Variants in ASB15 observed in about 807,000 individuals in gnomAD.
ASB15 encodes the protein ankyrin repeat and SOCS box containing 15, also known as ankyrin repeat and SOCS box protein 15.
Under a neutral mutation model 58.0 loss-of-function variants are expected in ASB15, and 54 were observed. The observed-to-expected ratio is 0.93, with a 90% CI of 0.75 to 1.17. ASB15 has a LOEUF of 1.17. ASB15 is among the 50% of genes most tolerant of loss of function. The pLI, the probability that ASB15 is intolerant of heterozygous loss-of-function variation, is 0.00. For synonymous variants in ASB15, 249 were observed against 262.4 expected (o/e 0.95, Z 0.50); for missense variants, 680 against 707.4 (o/e 0.96, Z 0.44).
At chr7:123,589,850 A>C (rs1252531673) in intron 1 of ASB15, among the ~76,000 whole-genome samples, 1 of 152,012 alleles carries the variant, frequency 6.6e-6, no homozygotes, top group Non-Finnish European at 1.5e-5. Context: ...TGGGATCGCT[A>C]AGTCAAATGG....
chr7:123,596,139 A>T (rs1031265081), intron 1 of ASB15, among the ~76,000 whole-genome samples: 2 of 151,418 alleles, frequency 1.3e-5, no homozygotes, highest in African/African-American at 2.4e-5. Flanking sequence ...CTAGTTTCCC[A>T]AAGGAATTAC....
At chr7:123,636,501 GAT>G (rs968872629) in intron 11 of ASB15, among the ~76,000 whole-genome samples, 1 of 152,068 alleles carries the variant, frequency 6.6e-6, no homozygotes, top group African/African-American at 2.4e-5. Flanking sequence ...ATAAAGAAGA[GAT>G]GTGAGCATTT....
chr7:123,580,357 T>G (rs1799192612), intron 1 of ASB15, among the ~76,000 whole-genome samples: 1 of 152,024 alleles, frequency 6.6e-6, no homozygotes, highest in Admixed American at 6.6e-5. Flanking sequence ...GTTGCTTGAG[T>G]CAGTGAGTGA....
At chr7:123,619,019 C>T (rs921783914) in intron 7 of ASB15, among the ~76,000 whole-genome samples, 6 of 151,400 alleles carry the variant, frequency 4.0e-5, no homozygotes, top group African/African-American at 1.5e-4. Context: ...ACTAAAAATA[C>T]AAAAACAAAA....
Position 123,581,105 on chromosome 7 carries a change from T to C in ASB15, c.-443+14017T>C, listed in dbSNP as rs139656731. Reference sequence around the variant, plus strand: ...GGCTTGTATTTACGGATAATTCAGGTGGTATCTGTGTCCCACCAACCTCCT... The same window carrying C: ...GGCTTGTATTTACGGATAATTCAGGCGGTATCTGTGTCCCACCAACCTCCT... On this transcript the variant is annotated intron_variant, in intron 1 of 13. Transcript: ENST00000451558. Among the ~76,000 whole-genome samples, 23 of 151,968 alleles carry C rather than the reference T, an allele frequency of 1.5e-4. No individual in the cohort carries two copies. The East Asian group carries it at 4.1e-3, about 27-fold the overall frequency.
intron 11 of ASB15, among the ~76,000 whole-genome samples, chr7:123,634,443 G>C (rs1428947570): frequency 6.6e-6 from 1 of 152,042 alleles, no homozygotes. Context: ...TCTTTATCCA[G>C]TCTATCCTTG....
upstream of ASB15, among the ~76,000 whole-genome samples, chr7:123,597,092 A>G (rs1369986865): frequency 6.6e-6 from 1 of 152,226 alleles, no homozygotes; most frequent in Non-Finnish European, 1.5e-5. Flanking sequence ...ACCCTAGTCA[A>G]AAAATATTAA....
chr7:123,607,291 G>A (rs1230794562), intron 2 of ASB15, among the ~76,000 whole-genome samples: 4 of 152,022 alleles, frequency 2.6e-5, no homozygotes, highest in Non-Finnish European at 5.9e-5. Flanking sequence ...TACATATAAT[G>A]TTAAATATTC....
chr7:123,604,385 C>T (rs1229127333), intron 2 of ASB15, among the ~76,000 whole-genome samples, 173 bp downstream of exon 2: 1 of 151,960 alleles, frequency 6.6e-6, no homozygotes, highest in Non-Finnish European at 1.5e-5. Context: ...AGTTCAAGAC[C>T]AGCCTGACCA....
At position 123,605,883 on chromosome 7, in the gene ASB15, A is replaced by C. The variant is rs189158794; in HGVS notation, c.-64+1671A>C. Among the ~76,000 whole-genome samples, 3 of 152,292 alleles carry C rather than the reference A, an allele frequency of 2.0e-5. No individual in the cohort carries two copies. The East Asian group carries it at 5.8e-4, about 29-fold the overall frequency. On this transcript the variant is annotated intron_variant, in intron 2 of 11. Transcript: ENST00000451215. ...GGAGGAGGGCAAGGATAGAAAAACT[A>C]CCTATGAGGTACTATGCCTATTACC...
At chr7:123,615,944 TAC>T (rs1457464548) in intron 4 of ASB15, among the ~76,000 whole-genome samples, 2 of 152,132 alleles carry the variant, frequency 1.3e-5, no homozygotes, top group Non-Finnish European at 2.9e-5. Flanking sequence ...TCCAATTGTT[TAC>T]TCCTTTTTTA....
upstream of ASB15, among the ~76,000 whole-genome samples, chr7:123,599,317 A>G (rs1799799991): frequency 6.6e-6 from 1 of 152,250 alleles, no homozygotes; most frequent in South Asian, 2.1e-4. Context: ...GGACTCCCCA[A>G]GGTGTTTGAA....
At chr7:123,624,095 A>G (rs1801602404) in intron 7 of ASB15, among the ~76,000 whole-genome samples, 1 of 152,144 alleles carries the variant, frequency 6.6e-6, no homozygotes. Context: ...TATAGGGGAA[A>G]CCTGATGAAC....
At chr7:123,619,224 G>A (rs1390377781) in intron 7 of ASB15, among the ~76,000 whole-genome samples, 1 of 148,524 alleles carries the variant, frequency 6.7e-6, no homozygotes, top group Non-Finnish European at 1.5e-5. Flanking sequence ...TAAGCCAGAC[G>A]CTGTCCTGGG....
At chr7:123,575,448 T>C (rs900273444) in intron 1 of ASB15, among the ~76,000 whole-genome samples, 2 of 152,090 alleles carry the variant, frequency 1.3e-5, no homozygotes, top group Non-Finnish European at 2.9e-5. Flanking sequence ...CATACACAAT[T>C]AAATCATACA....
At chr7:123,567,668 C>T (rs1798798817) in intron 1 of ASB15, among the ~76,000 whole-genome samples, 1 of 152,142 alleles carries the variant, frequency 6.6e-6, no homozygotes, top group South Asian at 2.1e-4. Flanking sequence ...AAGAAAGCAT[C>T]TCAATTCTCA....
chr7:123,612,767 C>T (rs75258908), intron 3 of ASB15, among the ~76,000 whole-genome samples: 2,574 of 152,208 alleles, frequency 0.017, 75 homozygotes, highest in African/African-American at 0.059. Flanking sequence ...TATTTCAATG[C>T]TCACTTATTA....
chr7:123,598,273 G>T (rs1317317632), upstream of ASB15, among the ~76,000 whole-genome samples: 1 of 151,958 alleles, frequency 6.6e-6, no homozygotes, highest in Non-Finnish European at 1.5e-5. Context: ...TCATAATTAT[G>T]CCCTTATTTT....
chr7:123,580,152 T>TG (rs1040043427), intron 1 of ASB15, among the ~76,000 whole-genome samples: 3 of 151,568 alleles, frequency 2.0e-5, no homozygotes, highest in African/African-American at 7.3e-5. Context: ...CTGAAGGAAA[T>TG]GGGGGAGTGG....
Sources: allele counts gnomAD v4.1 joint callset (sites outside exome capture counted in the v4.1 genomes callset), GRCh38; gene constraint gnomAD v4.1.1; transcripts MANE v1.5; gene names NCBI Gene and HGNC (gene_info 2026-07-23, HGNC 2026-07-21).